TMEM132B: variants seen among roughly 807,000 people sequenced by gnomAD.
The protein encoded by TMEM132B is transmembrane protein 132B.
TMEM132B carries 18 observed loss-of-function variants against 90.8 expected under a neutral mutation model. That is an observed-to-expected ratio of 0.20 (90% CI 0.14 to 0.29). The LOEUF is 0.29. TMEM132B is among the 10% of genes least tolerant of loss of function. TMEM132B has a pLI of 1.00. For missense variants in TMEM132B, 1,096 were observed against 1,326.8 expected (o/e 0.83, Z 2.70); for synonymous variants, 504 against 523.3 (o/e 0.96, Z 0.50).
At chr12:125,313,864 C>T (rs1876183954) in intron 1 of TMEM132B, among the ~76,000 whole-genome samples, 1 of 151,068 alleles carries the variant, frequency 6.6e-6, no homozygotes. Flanking sequence ...GGCTCCCTGC[C>T]TTTTCATTTT....
At chr12:125,624,514 C>T (rs932024436) in intron 5 of TMEM132B, among the ~76,000 whole-genome samples, 15 of 152,196 alleles carry the variant, frequency 9.9e-5, no homozygotes, top group Admixed American at 2.6e-4. Context: ...TAGGTCTTAG[C>T]GTGAGAAGAT....
At chr12:125,203,750 C>T (rs1415895147) in intron 1 of TMEM132B, among the ~76,000 whole-genome samples, 4 of 152,102 alleles carry the variant, frequency 2.6e-5, no homozygotes, top group African/African-American at 7.2e-5. Context: ...TGGGATGTAT[C>T]ATATATACTA....
intron 1 of TMEM132B, among the ~76,000 whole-genome samples, chr12:125,221,645 G>T (rs529794968): frequency 1.3e-5 from 2 of 152,340 alleles, no homozygotes; most frequent in Admixed American, 1.3e-4. Context: ...AAGAATGCTT[G>T]GGAGCTGGGA....
chr12:125,568,664 C>T (rs926801270), intron 4 of TMEM132B, among the ~76,000 whole-genome samples: 4 of 152,174 alleles, frequency 2.6e-5, no homozygotes, highest in African/African-American at 9.7e-5. Flanking sequence ...TTTGATGGTT[C>T]TTGTTTAAAT....
rs575354500 is a variant in TMEM132B, at chr12:125,623,013, C to A, written c.1438-21063C>A. ...TAATTTATGTACAGACCCTGAACAC[C>A]TAAGCTTGTGGCTTGAGCACCTGTG... is the stretch of plus-strand genomic sequence containing the variant. On this transcript the variant is annotated intron_variant, in intron 5 of 8. Coordinates refer to ENST00000682704, the MANE Select transcript of TMEM132B (RefSeq NM_001366854.1). 9.1e-4 allele frequency among the ~76,000 whole-genome samples: 138 copies of A among 152,306 alleles called. 2 individuals are homozygous for A. The South Asian group carries it at 0.02, about 22-fold the overall frequency.
At chr12:125,561,816 G>A (rs1198453872) in intron 4 of TMEM132B, among the ~76,000 whole-genome samples, 12 of 151,912 alleles carry the variant, frequency 7.9e-5, no homozygotes, top group Admixed American at 7.9e-4. Context: ...CATTTCTAGA[G>A]TACAGGTAAA....
Position 125,454,350 on chromosome 12 carries a change from A to G in TMEM132B, c.1106+38673A>G, listed in dbSNP as rs188119165. 2.6e-3 allele frequency among the ~76,000 whole-genome samples: 388 copies of G among 151,848 alleles called. 2 individuals are homozygous for G. The highest frequency in any genetic ancestry group is 7.8e-3 in the African/African-American group (324 of 41,342). ...CAACAGTTACGCAGAAAGATGGCAA[A>G]AGGAAGTGCCTGCCTACAGCCAGCC... On this transcript the variant is annotated intron_variant, in intron 3 of 8. Transcript: ENST00000682704.
In TMEM132B at chr12:125,259,309, G is replaced by A. The variant is rs138931784; in HGVS notation, c.67+72443G>A. On this transcript the variant is annotated intron_variant, in intron 1 of 8. Coordinates refer to ENST00000682704, the MANE Select transcript of TMEM132B (RefSeq NM_001366854.1). ...GTAACAGGATGCCCGGCATCTATAG[G>A]CATCCGATAAAATTCGTTGAATGAA... is the stretch of plus-strand genomic sequence containing the variant. Among the ~76,000 whole-genome samples the A allele has an allele frequency of 5.6e-4, 86 of 152,276 alleles. 1 individual carries two copies. The East Asian group carries it at 0.016, about 29-fold the overall frequency.
At chr12:125,394,333 G>T (rs1437079587) in intron 2 of TMEM132B, among the ~76,000 whole-genome samples, 1 of 152,236 alleles carries the variant, frequency 6.6e-6, no homozygotes, top group Non-Finnish European at 1.5e-5. Context: ...AACAATAGAA[G>T]TGATTAGGGG....
At chr12:125,245,262 C>G (rs897175089) in intron 1 of TMEM132B, among the ~76,000 whole-genome samples, 3 of 145,120 alleles carry the variant, frequency 2.1e-5, no homozygotes, top group Admixed American at 1.4e-4. Context: ...TCCCAGATGC[C>G]CCCCCAGGCA....
At chr12:125,571,677 C>T (rs1054365324) in intron 4 of TMEM132B, among the ~76,000 whole-genome samples, 6 of 152,160 alleles carry the variant, frequency 3.9e-5, no homozygotes, top group African/African-American at 7.2e-5. Flanking sequence ...TCACTAAAAT[C>T]CCCCAAATGT....
At chr12:125,190,592 TGATG>T (rs1957793586) in intron 1 of TMEM132B, among the ~76,000 whole-genome samples, 1 of 79,576 alleles carries the variant, frequency 1.3e-5, no homozygotes, top group Non-Finnish European at 2.4e-5. Context: ...ATGATGGTGA[TGATG>T]GGGAAGGGGT....
At chr12:125,581,227 T>G (rs1342609167) in intron 4 of TMEM132B, among the ~76,000 whole-genome samples, 1 of 152,138 alleles carries the variant, frequency 6.6e-6, no homozygotes, top group Non-Finnish European at 1.5e-5. Flanking sequence ...AAGGTGGAGA[T>G]TGATGTTTAA....
intron 1 of TMEM132B, among the ~76,000 whole-genome samples, chr12:125,236,157 T>G (rs7488708): frequency 4.5e-4 from 11 of 24,706 alleles, no homozygotes; most frequent in African/African-American, 3.4e-3. Flanking sequence ...TGTTTTTTTG[T>G]TTTTTTGAGA....
chr12:125,229,547 A>G (rs954289328), intron 1 of TMEM132B, among the ~76,000 whole-genome samples: 1 of 152,260 alleles, frequency 6.6e-6, no homozygotes, highest in African/African-American at 2.4e-5. Flanking sequence ...CTACCTGTGC[A>G]TCAATGTATC....
chr12:125,542,496 CCTATT>C (rs1883983721), intron 4 of TMEM132B, among the ~76,000 whole-genome samples: 1 of 152,174 alleles, frequency 6.6e-6, no homozygotes, highest in African/African-American at 2.4e-5. Context: ...ACACTAACTC[CCTATT>C]CCTCTTTCCT....
intron 3 of TMEM132B, among the ~76,000 whole-genome samples, chr12:125,493,096 G>A (rs1372591919): frequency 1.3e-5 from 2 of 152,054 alleles, no homozygotes; most frequent in African/African-American, 2.4e-5. Flanking sequence ...GCAGGGCAGT[G>A]GCCTGGCGCT....
intron 2 of TMEM132B, among the ~76,000 whole-genome samples, chr12:125,350,607 C>T (rs553892820): frequency 4.6e-5 from 7 of 152,070 alleles, no homozygotes; most frequent in Middle Eastern, 3.2e-3. Flanking sequence ...GCCAGAGAAG[C>T]GACATAGTAC....
chr12:125,437,603 C>T (rs1007166225), intron 3 of TMEM132B, among the ~76,000 whole-genome samples: 4 of 151,452 alleles, frequency 2.6e-5, no homozygotes, highest in Non-Finnish European at 4.4e-5. Flanking sequence ...TAAAGAAAAA[C>T]GTAGCGTCTC....
Sources: gnomAD v4.1 joint callset for allele counts (sites outside exome capture counted in the v4.1 genomes callset) on GRCh38, gnomAD v4.1.1 for gene constraint, MANE v1.5 for transcripts, NCBI Gene and HGNC (gene_info 2026-07-23, HGNC 2026-07-21) for gene names.